Variants in SMN1 observed in about 807,000 individuals in gnomAD.
SMN1 encodes survival motor neuron protein.
For missense variants in SMN1, 15 were observed against 17.1 expected, an observed-to-expected ratio of 0.88 and a Z score of 0.22; for synonymous variants, 3 against 5.1, an observed-to-expected ratio of 0.58 and a Z score of 0.56.
rs1199331007 is a variant in SMN1, at chr5:70,951,956, C to A, written c.850C>A (p.Gln284Lys). The change falls in exon 8 of 9, where the codon CAA (glutamine) becomes AAA (lysine). Residue 284 changes from glutamine to lysine, a missense_variant. Transcript: ENST00000380707. ...TGYYMGFRQNQKEGRCSHSLN is the reference protein window; with the variant it reads ...TGYYMGFRQNKKEGRCSHSLN ...TTCCTTACAGGGTTTCAGACAAAATCAAAAAGAAGGAAGGTGCTCACATTC... is the reference window on the plus strand; with the variant it reads ...TTCCTTACAGGGTTTCAGACAAAATAAAAAAGAAGGAAGGTGCTCACATTC... 4 of 1,612,714 alleles carry A rather than the reference C, an allele frequency of 2.5e-6. No individual in the cohort carries two copies. The highest frequency in any genetic ancestry group is 2.2e-5 in the South Asian group (2 of 91,016).
intron 7 of SMN1, among the ~76,000 whole-genome samples, chr5:70,951,281 AT>A (rs1210756186): frequency 2.1e-5 from 3 of 146,072 alleles, no homozygotes; most frequent in Non-Finnish European, 1.5e-5. Context: ...TTATTTATTT[AT>A]TTTTTTTTGA....
chr5:70,957,215 G>T (rs1342695491), downstream of SMN1, among the ~76,000 whole-genome samples: 1 of 71,174 alleles, frequency 1.4e-5, no homozygotes, highest in Non-Finnish European at 3.0e-5. Context: ...GGAGATTTTG[G>T]GCTGAGACAA....
downstream of SMN1, among the ~76,000 whole-genome samples, chr5:70,955,000 C>T (rs1749866755): frequency 7.9e-6 from 1 of 126,898 alleles, no homozygotes; most frequent in South Asian, 2.8e-4. Flanking sequence ...TCACTTGAGC[C>T]CAGGAGTTCA....
chr5:70,945,372 C>T (rs1204096038), intron 6 of SMN1, among the ~76,000 whole-genome samples: 1 of 15,884 alleles, frequency 6.3e-5, no homozygotes, highest in East Asian at 1.6e-3. Flanking sequence ...GTGATCCACC[C>T]GCCTTGGCCT....
the SMN1 span, among the ~76,000 whole-genome samples, chr5:70,959,256 T>A: frequency 2.1e-5 from 3 of 145,456 alleles, no homozygotes; most frequent in East Asian, 6.1e-4. Flanking sequence ...GGGACTGTTG[T>A]GGGGTGGGGG....
At chr5:70,955,192 G>A (rs1749871938), downstream of SMN1, among the ~76,000 whole-genome samples, 1 of 145,140 alleles carries the variant, frequency 6.9e-6, no homozygotes, top group Non-Finnish European at 1.5e-5. Flanking sequence ...TTCAGCCTGG[G>A]CAACAGACTG....
intron 7 of SMN1, among the ~76,000 whole-genome samples, chr5:70,950,682 A>C (rs1458264118): frequency 1.5e-5 from 2 of 137,628 alleles, no homozygotes; most frequent in Non-Finnish European, 1.6e-5. Context: ...TCTGTCCCCC[A>C]AGCTGGAGTG....
At chr5:70,943,706 T>TGGAACCTTAAG (rs1749460509) in intron 5 of SMN1, among the ~76,000 whole-genome samples, 1 of 125,146 alleles carries the variant, frequency 8.0e-6, no homozygotes, top group African/African-American at 2.7e-5. Context: ...GGTTAGATTA[T>TGGAACCTTAAG]GTCATGGAAC....
At chr5:70,959,257 G>C in the SMN1 span, among the ~76,000 whole-genome samples, 1 of 149,778 alleles carries the variant, frequency 6.7e-6, no homozygotes, top group South Asian at 2.2e-4. Flanking sequence ...GGACTGTTGT[G>C]GGGTGGGGGG....
At chr5:70,951,068 C>T (rs1448700986) in intron 7 of SMN1, among the ~76,000 whole-genome samples, 3 of 151,858 alleles carry the variant, frequency 2.0e-5, no homozygotes, top group Non-Finnish European at 4.4e-5. Context: ...GCCACTGTGA[C>T]CGGCAATGTT....
chr5:70,957,489 C>T (rs1205104651), downstream of SMN1, among the ~76,000 whole-genome samples: 1 of 149,502 alleles, frequency 6.7e-6, no homozygotes, highest in Non-Finnish European at 1.5e-5. Flanking sequence ...GAGATACGTC[C>T]CATCAATACC....
rs374090296 is a variant in SMN1, at chr5:70,950,700, G to A, written c.835-1241G>A. On this transcript the variant is annotated intron_variant, in intron 7 of 8. Transcript: ENST00000380707. ...GTCCCCCAAGCTGGAGTGCAGCGGC[G>A]CGATCTTGGCTCACTGCAAGCTCTG... Among the ~76,000 whole-genome samples, 439 of 142,464 alleles carry A rather than the reference G, an allele frequency of 3.1e-3. 15 individuals carry two copies. The East Asian group carries it at 0.072, about 23-fold the overall frequency. The allele number at this position is 142,464 out of a possible 152,430, so 93.5% of individuals were successfully genotyped here.
At chr5:70,943,729 C>T (rs1161204571) in intron 5 of SMN1, among the ~76,000 whole-genome samples, 1 of 132,558 alleles carries the variant, frequency 7.5e-6, no homozygotes, top group African/African-American at 2.6e-5. Context: ...TAAGGCTTGT[C>T]CCTTTCTAGT....
intron 8 of SMN1, 174 bp downstream of exon 8, chr5:70,952,168 T>A: frequency 6.8e-7 from 1 of 1,471,132 alleles, no homozygotes; most frequent in Non-Finnish European, 9.0e-7. Context: ...AAAAGGTTAA[T>A]CTACATCCCT....
intron 8 of SMN1, chr5:70,952,235 A>G (rs1171280445): frequency 5.6e-5 from 83 of 1,485,798 alleles, no homozygotes; most frequent in Non-Finnish European, 7.1e-5. Flanking sequence ...CTTTCACAAT[A>G]AAGAGCTTTA....
chr5:70,963,869 A>G, the SMN1 span, among the ~76,000 whole-genome samples: 12 of 99,992 alleles, frequency 1.2e-4, 1 homozygote, highest in Non-Finnish European at 2.2e-4. Context: ...AATGAGGGTA[A>G]GTTTCAAACT....
chr5:70,952,033 G>T, intron 8 of SMN1, 39 bp downstream of exon 8: 1 of 1,608,728 alleles, frequency 6.2e-7, no homozygotes, highest in Non-Finnish European at 8.5e-7. Context: ...TCTTACTTTT[G>T]TAAAACTTTA....
chr5:70,955,225 A>C (rs1186151306), downstream of SMN1, among the ~76,000 whole-genome samples: 1 of 145,262 alleles, frequency 6.9e-6, no homozygotes, highest in Non-Finnish European at 1.5e-5. Context: ...AAAAAAAAAA[A>C]CCAAACCAAA....
At chr5:70,950,322 C>A (rs1749653299) in intron 7 of SMN1, among the ~76,000 whole-genome samples, 1 of 147,628 alleles carries the variant, frequency 6.8e-6, no homozygotes. Flanking sequence ...GAGGCTGAGG[C>A]AGGAGAGTTG....
Sources: allele counts gnomAD v4.1 joint callset (sites outside exome capture counted in the v4.1 genomes callset), GRCh38; gene constraint gnomAD v4.1.1; transcripts MANE v1.5; gene names NCBI Gene and HGNC (gene_info 2026-07-23, HGNC 2026-07-21).